Variants in DENND4C observed in about 807,000 individuals in gnomAD.
DENND4C encodes DENN domain-containing protein 4C.
In DENND4C, 108 loss-of-function variants were observed where a neutral mutation model predicts 203.0. The observed-to-expected ratio is 0.53, with a 90% CI of 0.46 to 0.62. The LOEUF (loss-of-function observed/expected upper bound fraction) is 0.62. DENND4C is among the 20% of genes least tolerant of loss of function. The probability of loss-of-function intolerance (pLI) is 0.00; values close to 1 mark genes in which losing one functional copy is unlikely to be tolerated. For synonymous variants in DENND4C, 871 were observed against 792.4 expected, an observed-to-expected ratio of 1.10 and a Z score of -1.67; for missense variants, 2,481 against 2,301.2, an observed-to-expected ratio of 1.08 and a Z score of -1.60.
At chr9:19,308,889 A>G (rs982360826) in intron 10 of DENND4C, among the ~76,000 whole-genome samples, 5 of 152,174 alleles carry the variant, frequency 3.3e-5, no homozygotes, top group East Asian at 1.9e-4. Flanking sequence ...ATTTGCTTCA[A>G]TCTCTTGCCA....
intron 23 of DENND4C, among the ~76,000 whole-genome samples, chr9:19,349,376 C>G (rs891188664): frequency 5.3e-5 from 8 of 152,154 alleles, no homozygotes; most frequent in African/African-American, 1.9e-4. Context: ...CCACTGCACT[C>G]CAGCCTGGGT....
intron 2 of DENND4C, among the ~76,000 whole-genome samples, chr9:19,282,252 A>G (rs1399032579): frequency 6.6e-6 from 1 of 151,632 alleles, no homozygotes; most frequent in African/African-American, 2.4e-5. Context: ...TTAAAAATTT[A>G]TTCTTTTATT....
Position 19,370,077 on chromosome 9 carries a change from G to A in DENND4C, c.5675+90G>A, listed in dbSNP as rs150018302. 769 of 1,457,438 alleles carry A rather than the reference G, an allele frequency of 5.3e-4. 2 individuals carry two copies. In the African/African-American group the frequency reaches 9.5e-3, roughly 18 times the overall value. 90.3% of individuals were successfully genotyped at this position (1,457,438 alleles called of 1,614,324 possible). On this transcript the variant is annotated intron_variant, in intron 31 of 32. Coordinates refer to ENST00000434457, the MANE Select transcript of DENND4C (RefSeq NM_001330640.2). ...ACTTTTAAAAATATCTCTAGTTGTC[G>A]AAGAAACACATACTCATTGCAAAAC...
intron 1 of DENND4C, among the ~76,000 whole-genome samples, chr9:19,273,149 T>G (rs950386369): frequency 5.3e-5 from 8 of 151,738 alleles, no homozygotes; most frequent in African/African-American, 1.9e-4. Context: ...AGACAGAGTT[T>G]CACTAGGTTA....
At chr9:19,282,712 TCTC>T (rs1297909593) in intron 2 of DENND4C, among the ~76,000 whole-genome samples, 3 of 92,710 alleles carry the variant, frequency 3.2e-5, no homozygotes, top group Non-Finnish European at 4.9e-5. Context: ...TTTTTTCTTC[TCTC>T]TTTTTTTTTT....
rs185629796 is a variant in DENND4C at position 19,363,597 on chromosome 9, T to C, written c.5524+1634T>C. 2.2e-3 allele frequency among the ~76,000 whole-genome samples: 331 copies of C among 152,304 alleles called. 1 individual carries two copies. The highest frequency in any genetic ancestry group is 6.8e-3 in the Middle Eastern group (2 of 294). ...GGCCTTATCTCCAAATAGAGTCACATTGGCAATTAGGGCCTCAACATATGA... is the reference window on the plus strand; with the variant it reads ...GGCCTTATCTCCAAATAGAGTCACACTGGCAATTAGGGCCTCAACATATGA... On this transcript the variant is annotated intron_variant, in intron 30 of 32. Coordinates refer to ENST00000434457, the MANE Select transcript of DENND4C (RefSeq NM_001330640.2).
intron 2 of DENND4C, among the ~76,000 whole-genome samples, chr9:19,283,710 C>G (rs1349598883): frequency 6.6e-6 from 1 of 150,950 alleles, no homozygotes; most frequent in African/African-American, 2.4e-5. Context: ...CCCCCTCACC[C>G]CCACCCCCGC....
Position 19,361,942 on chromosome 9 carries a change from T to C in DENND4C, c.5503T>C (p.Tyr1835His). Residue 1835 changes from tyrosine to histidine, a missense_variant, in exon 30 of 33, where the codon TAT (tyrosine) becomes CAT (histidine). Tyr to His is a moderately conservative substitution (Grantham distance 83). Coordinates refer to ENST00000434457, the MANE Select transcript of DENND4C (RefSeq NM_001330640.2). ...NLHQEPREPLYVSWRNFNSEK... is the reference protein window; with the variant it reads ...NLHQEPREPLHVSWRNFNSEK... ...TCATCAGGAACCAAGAGAACCTCTG[T>C]ATGTCTCATGGAGGAATTTTAGTAA... The C allele has an allele frequency of 6.3e-7, 1 of 1,598,422 alleles. No homozygotes were observed. The highest frequency in any genetic ancestry group is 8.6e-7 in the Non-Finnish European group (1 of 1,165,926).
At chr9:19,250,628 A>C (rs1325576525) in intron 1 of DENND4C, among the ~76,000 whole-genome samples, 1 of 151,940 alleles carries the variant, frequency 6.6e-6, no homozygotes, top group Non-Finnish European at 1.5e-5. Flanking sequence ...TGTAAAATCA[A>C]AAGCAAGTTA....
In DENND4C at chr9:19,352,662, C is replaced by CAAG. The variant is rs1279570550; in HGVS notation, c.4779_4781dup (p.Ala1593_Ser1594insArg). 5 of 1,588,936 alleles carry CAAG rather than the reference C, an allele frequency of 3.1e-6. No homozygotes were observed. In the African/African-American group the frequency reaches 6.8e-5, roughly 21 times the overall value. On this transcript the variant is annotated inframe_insertion, in exon 26 of 33. Transcript: ENST00000434457. ...GAATTCAAAGATTTGAGAGGTTCTG[C>CAAG]AAGGTTAGTCTTATAAAAGCTCTCT...
At chr9:19,232,560 G>C (rs1820846694) in intron 1 of DENND4C, among the ~76,000 whole-genome samples, 1 of 152,198 alleles carries the variant, frequency 6.6e-6, no homozygotes, top group African/African-American at 2.4e-5. Context: ...GAGTAATTTA[G>C]TCCTGTATGC....
intron 10 of DENND4C, among the ~76,000 whole-genome samples, chr9:19,309,173 A>C (rs192702841): frequency 6.6e-6 from 1 of 152,306 alleles, no homozygotes; most frequent in East Asian, 1.9e-4. Flanking sequence ...CTGTAATCCC[A>C]GTACTTTGAG....
At position 19,360,362 on chromosome 9, in the gene DENND4C, C is replaced by G. The variant is rs754061526; in HGVS notation, c.5279C>G (p.Thr1760Arg). ...AATGAAGGTGATCAGGTGATTCATA[C>G]ATCTTCTTTCATCAATCAACATCCA... Reference protein sequence around the residue: ...LENEGDQVIHTSSFINQHPII... With the variant: ...LENEGDQVIHRSSFINQHPII... The change falls in exon 29 of 33, where the codon ACA (threonine) becomes AGA (arginine). Residue 1760 changes from threonine (T) to arginine (R), a missense_variant. Transcript: ENST00000434457. The G allele has an allele frequency of 2.5e-6, 4 of 1,614,076 alleles. No homozygotes were observed. The highest frequency in any genetic ancestry group is 1.7e-6 in the Non-Finnish European group (2 of 1,179,986).
chr9:19,345,075 T>G (rs1822545403), intron 22 of DENND4C, among the ~76,000 whole-genome samples: 2 of 152,206 alleles, frequency 1.3e-5, no homozygotes, highest in Admixed American at 1.3e-4. Context: ...GGTTAGGATT[T>G]TAGCATGTGG....
At position 19,265,538 on chromosome 9, in the gene DENND4C, TG is replaced by T. The variant is rs1371953180; in HGVS notation, c.-17-10618del. Among the ~76,000 whole-genome samples, 10 of 152,276 alleles carry T rather than the reference TG, an allele frequency of 6.6e-5. No homozygotes were observed. The East Asian group carries it at 9.6e-4, about 15-fold the overall frequency. On this transcript the variant is annotated intron_variant, in intron 1 of 32. Coordinates refer to ENST00000434457, the MANE Select transcript of DENND4C (RefSeq NM_001330640.2). ...TTACATATGTATACATGTGCCATGT[TG>T]GTGTGCTGTACCCATTAACTCATCA... is the stretch of plus-strand genomic sequence containing the variant.
At chr9:19,362,550 T>TAC (rs34768811) in intron 30 of DENND4C, among the ~76,000 whole-genome samples, 1,613 of 150,780 alleles carry the variant, frequency 0.011, 25 homozygotes, top group African/African-American at 0.037. Flanking sequence ...AAAAAAAAAG[T>TAC]ACACACACAC....
At chr9:19,276,092 G>A in intron 1 of DENND4C, 66 bp from the exon 2 acceptor site, 1 of 777,276 alleles carries the variant, frequency 1.3e-6, no homozygotes, top group Non-Finnish European at 1.7e-6. Flanking sequence ...TTAACTCAAG[G>A]ATATATTAAT....
chr9:19,356,788 T>TGTGTGAGAGAGA (rs1266119304), intron 26 of DENND4C, among the ~76,000 whole-genome samples, 184 bp from the exon 27 acceptor site: 3 of 140,420 alleles, frequency 2.1e-5, no homozygotes, highest in African/African-American at 8.4e-5. Flanking sequence ...TGTGTGTGTG[T>TGTGTGAGAGAGA]GAGAGAGAGA....
At chr9:19,279,691 A>G (rs4977526) in intron 2 of DENND4C, among the ~76,000 whole-genome samples, 35,830 of 151,296 alleles carry the variant, frequency 0.24, 4,424 homozygotes, top group East Asian at 0.44. Flanking sequence ...CAAAAAAAAA[A>G]AAAAAATTAG....
Sources: allele counts gnomAD v4.1 joint callset (sites outside exome capture counted in the v4.1 genomes callset), GRCh38; gene constraint gnomAD v4.1.1; transcripts MANE v1.5; gene names NCBI Gene and HGNC (gene_info 2026-07-23, HGNC 2026-07-21).